The following CNTN5 variants were observed in gnomAD, a reference collection of about 807,000 sequenced individuals.
CNTN5 encodes contactin-5.
CNTN5 carries 77 observed loss-of-function variants against 129.1 expected under a neutral mutation model. The observed-to-expected ratio is 0.60, with a 90% confidence interval of 0.50 to 0.72. The LOEUF (loss-of-function observed/expected upper bound fraction) is 0.72. CNTN5 is among the 30% of genes least tolerant of loss of function. CNTN5 has a pLI of 0.00. For synonymous variants in CNTN5, 509 were observed against 465.6 expected (o/e 1.09, Z -1.20); for missense variants, 1,478 against 1,328.8 (o/e 1.11, Z -1.75).
At chr11:100,168,160 A>T (rs927671480) in intron 13 of CNTN5, among the ~76,000 whole-genome samples, 1 of 152,124 alleles carries the variant, frequency 6.6e-6, no homozygotes, top group East Asian at 1.9e-4. Context: ...CATCTCCATA[A>T]CATAAAATCA....
chr11:99,049,931 A>G (rs572460463), intron 1 of CNTN5: 1 of 152,206 alleles, frequency 6.6e-6, no homozygotes, highest in Non-Finnish European at 1.5e-5. Context: ...AGGAAAGAAT[A>G]AAGTCTTGCT....
chr11:100,306,758 T>G (rs1283708167), intron 20 of CNTN5, among the ~76,000 whole-genome samples: 2 of 151,724 alleles, frequency 1.3e-5, no homozygotes, highest in Non-Finnish European at 3.0e-5. Context: ...TTTTCCAGAA[T>G]GCATGTTTTA....
chr11:99,522,791 A>G (rs1591210956), intron 2 of CNTN5, among the ~76,000 whole-genome samples: 3 of 152,240 alleles, frequency 2.0e-5, no homozygotes, highest in African/African-American at 7.2e-5. Flanking sequence ...TTCTTTATTG[A>G]TATTCTTTAG....
rs1427752596 is a variant in CNTN5 at position 100,087,559 on chromosome 11, G to C, written c.1580+13265G>C. On this transcript the variant is annotated intron_variant, in intron 13 of 24. Coordinates refer to ENST00000524871, the MANE Select transcript of CNTN5 (RefSeq NM_014361.4). ...TAGATGACATTATATAATGATAAAG[G>C]GTTCAATTCAACAAGAAGACTTAAC... 2.6e-5 allele frequency among the ~76,000 whole-genome samples: 4 copies of C among 151,680 alleles called. No homozygotes were observed. The East Asian group carries it at 7.7e-4, about 29-fold the overall frequency.
At chr11:99,590,806 G>A (rs1949955249) in intron 3 of CNTN5, among the ~76,000 whole-genome samples, 1 of 152,126 alleles carries the variant, frequency 6.6e-6, no homozygotes, top group Non-Finnish European at 1.5e-5. Flanking sequence ...GACCATGCTA[G>A]GGTTTATTCT....
intron 3 of CNTN5, among the ~76,000 whole-genome samples, chr11:99,797,466 G>T (rs1945982016): frequency 6.6e-6 from 1 of 152,116 alleles, no homozygotes; most frequent in East Asian, 1.9e-4. Context: ...TGTAATAACT[G>T]CCATTCTGAC....
chr11:100,252,641 A>G (rs1949988356), intron 16 of CNTN5, among the ~76,000 whole-genome samples: 1 of 152,090 alleles, frequency 6.6e-6, no homozygotes, highest in Non-Finnish European at 1.5e-5. Flanking sequence ...GTGAACATCC[A>G]ATTTTTCCAG....
At chr11:100,126,199 A>T (rs537735017) in intron 13 of CNTN5, among the ~76,000 whole-genome samples, 1 of 152,080 alleles carries the variant, frequency 6.6e-6, no homozygotes, top group Admixed American at 6.6e-5. Context: ...TTTTTAATTT[A>T]TCGAGACTTA....
At chr11:100,011,725 AT>A (rs534811008) in intron 9 of CNTN5, among the ~76,000 whole-genome samples, 17 of 152,120 alleles carry the variant, frequency 1.1e-4, no homozygotes, top group South Asian at 4.1e-4. Context: ...GGTATTAAGT[AT>A]TTTTTTCTCT....
chr11:99,658,718 A>ATATATAT (rs55644222), intron 3 of CNTN5, among the ~76,000 whole-genome samples: 2 of 124,020 alleles, frequency 1.6e-5, no homozygotes, highest in African/African-American at 5.6e-5. Context: ...CTAAAAAAAA[A>ATATATAT]ATATATATAT....
chr11:100,006,406 A>G (rs550407883), intron 9 of CNTN5, among the ~76,000 whole-genome samples: 20 of 152,204 alleles, frequency 1.3e-4, no homozygotes, highest in East Asian at 7.7e-4. Flanking sequence ...ATTGGAGTCA[A>G]TCCTCTCTAA....
intron 3 of CNTN5, among the ~76,000 whole-genome samples, chr11:99,677,432 A>G (rs1953339019): frequency 6.6e-6 from 1 of 152,120 alleles, no homozygotes; most frequent in Admixed American, 6.6e-5. Context: ...GAGCAGTTTG[A>G]GGATGTTGAT....
intron 3 of CNTN5, among the ~76,000 whole-genome samples, chr11:99,635,483 G>A (rs573968115): frequency 1.1e-5 from 1 of 94,868 alleles, no homozygotes; most frequent in South Asian, 3.0e-4. Context: ...AATCCTAGCA[G>A]AAGTAATAAA....
At chr11:99,651,030 T>C (rs1194834823) in intron 3 of CNTN5, among the ~76,000 whole-genome samples, 1 of 151,982 alleles carries the variant, frequency 6.6e-6, no homozygotes, top group Non-Finnish European at 1.5e-5. Flanking sequence ...GTTTCTAATT[T>C]ATTCTCAATA....
chr11:100,003,708 A>G (rs1940019646), intron 9 of CNTN5: 1 of 152,146 alleles, frequency 6.6e-6, no homozygotes, highest in South Asian at 2.1e-4. Context: ...TCTAGGTAAG[A>G]CCCAACAGTC....
intron 3 of CNTN5, among the ~76,000 whole-genome samples, chr11:99,728,055 GA>G (rs1943412528): frequency 6.6e-6 from 1 of 152,158 alleles, no homozygotes; most frequent in South Asian, 2.1e-4. Context: ...AATGGAATCA[GA>G]AGTGAAAACA....
At chr11:100,289,419 G>A (rs1950894401) in intron 18 of CNTN5, among the ~76,000 whole-genome samples, 1 of 150,730 alleles carries the variant, frequency 6.6e-6, no homozygotes, top group South Asian at 2.1e-4. Flanking sequence ...CCATGATCAC[G>A]TGGGCTTCAC....
At chr11:99,935,970 C>T (rs1198836216) in intron 7 of CNTN5, among the ~76,000 whole-genome samples, 2 of 152,176 alleles carry the variant, frequency 1.3e-5, no homozygotes, top group East Asian at 3.8e-4. Context: ...AGAGGGCATT[C>T]ATTGCCATTC....
rs188578986 is a variant in CNTN5, at chr11:100,355,407, G to A, written c.3200-710G>A. Among the ~76,000 whole-genome samples the A allele has an allele frequency of 1.3e-3, 191 of 151,828 alleles. 4 individuals carry two copies. Among genetic ancestry groups the A allele is most frequent in the Non-Finnish European group, 4.3e-4 (29 of 67,766 alleles). Reference sequence around the variant, plus strand: ...CCGCCTTCTGGAAGCCCTTCTGAAGGACATGCCTGAAGTTGTTTTACAGTT... The same window carrying A: ...CCGCCTTCTGGAAGCCCTTCTGAAGAACATGCCTGAAGTTGTTTTACAGTT... On this transcript the variant is annotated intron_variant, in intron 24 of 24. Coordinates refer to ENST00000524871, the MANE Select transcript of CNTN5 (RefSeq NM_014361.4).
Sources: gnomAD v4.1 joint callset for allele counts (sites outside exome capture counted in the v4.1 genomes callset) on GRCh38, gnomAD v4.1.1 for gene constraint, MANE v1.5 for transcripts, NCBI Gene and HGNC (gene_info 2026-07-23, HGNC 2026-07-21) for gene names.